The following IRAG2 variants were observed in gnomAD, a reference collection of about 807,000 sequenced individuals.
IRAG2 encodes inositol 1,4,5-triphosphate receptor associated 2, also known as lymphoid restricted membrane protein.
IRAG2 carries 45 observed loss-of-function variants against 69.9 expected under a neutral mutation model. The ratio of observed to expected loss-of-function variants is 0.64; its 90% CI spans 0.51 to 0.83. The LOEUF is 0.83. Among genes scored for constraint, IRAG2 ranks in the 40% least tolerant of loss-of-function variants. The pLI, the probability that IRAG2 is intolerant of heterozygous loss-of-function variation, is 0.00. For synonymous variants in IRAG2, 193 were observed against 202.4 expected, an observed-to-expected ratio of 0.95 and a Z score of 0.40; for missense variants, 520 against 587.0, an observed-to-expected ratio of 0.89 and a Z score of 1.18.
chr12:25,039,887 G>A (rs1944733892), intron 16 of IRAG2, among the ~76,000 whole-genome samples: 1 of 152,178 alleles, frequency 6.6e-6, no homozygotes, highest in Non-Finnish European at 1.5e-5. Context: ...TGTGTCAGAT[G>A]TAGTGCTAAG....
intron 6 of IRAG2, among the ~76,000 whole-genome samples, chr12:25,017,532 A>G (rs1178618420): frequency 3.9e-5 from 6 of 152,098 alleles, no homozygotes; most frequent in African/African-American, 1.2e-4. Flanking sequence ...AGCCTGGCCA[A>G]CATGGTGAAA....
chr12:25,082,318 G>T (rs1210136272), intron 9 of IRAG2, among the ~76,000 whole-genome samples: 1 of 151,962 alleles, frequency 6.6e-6, no homozygotes, highest in Non-Finnish European at 1.5e-5. Context: ...CTAAAGTAAG[G>T]GCTAGGCACG....
At chr12:25,002,720 C>T (rs904228615), upstream of IRAG2, among the ~76,000 whole-genome samples, 4 of 151,734 alleles carry the variant, frequency 2.6e-5, no homozygotes, top group Admixed American at 1.3e-4. Context: ...CAGCTCACTG[C>T]AACCTCTGCC....
intron 10 of IRAG2, among the ~76,000 whole-genome samples, chr12:25,085,492 T>C (rs1947522367): frequency 1.3e-5 from 2 of 152,216 alleles, no homozygotes; most frequent in Non-Finnish European, 2.9e-5. Flanking sequence ...ATTGTCAGTC[T>C]GCCAGTCTGC....
upstream of IRAG2, among the ~76,000 whole-genome samples, chr12:25,049,810 GTC>G (rs1314615565): frequency 2.0e-5 from 3 of 151,790 alleles, no homozygotes; most frequent in East Asian, 5.8e-4. Flanking sequence ...GTGAAACCCT[GTC>G]TCTACTAAAA....
intron 3 of IRAG2, chr12:25,015,034 A>T (rs967258598): frequency 2.7e-5 from 10 of 377,194 alleles, no homozygotes; most frequent in African/African-American, 2.1e-4. Flanking sequence ...ATGAATATAT[A>T]TTTTTTTAAC....
In IRAG2 at chr12:25,107,982, A is replaced by G. The variant is rs1949327511; in HGVS notation, c.1422A>G (p.Gln474=). The change falls in exon 22 of 22, where the codon CAA becomes CAG. Residue 474 remains glutamine (Q), a synonymous_variant. Transcript: ENST00000556887. ...CTGTGGATGCCGCTCCCACACAGCAAGAGGACTCATGGACGTCTCTAGAAC... is the reference window on the plus strand; with the variant it reads ...CTGTGGATGCCGCTCCCACACAGCAGGAGGACTCATGGACGTCTCTAGAAC... ...QKSVDAAPTQ[Q]EDSWTSLEHI... The G allele has an allele frequency of 6.2e-7, 1 of 1,614,042 alleles. No homozygotes were observed.
chr12:25,010,792 GAA>G (rs1022251770), intron 2 of IRAG2, among the ~76,000 whole-genome samples: 20 of 152,140 alleles, frequency 1.3e-4, no homozygotes, highest in African/African-American at 4.6e-4. Flanking sequence ...GGGAGTAAAA[GAA>G]AAGTCTTATG....
Position 25,090,145 on chromosome 12 carries a change from T to C in IRAG2, c.554T>C (p.Leu185Ser), listed in dbSNP as rs1063159. 1.2e-6 allele frequency: 2 copies of C among 1,613,862 alleles called. No homozygotes were observed. Among genetic ancestry groups the C allele is most frequent in the African/African-American group, 2.7e-5 (2 of 74,934 alleles). ...RVKLEERSRD[L>S]AEENLKKEIT... ...AAGCTTGAAGAGAGGTCCCGTGACT[T>C]GGCAGAAGAAAATTTGAAGAAAGAA... The change falls in exon 14 of 22, where the codon TTG becomes TCG. Residue 185 changes from leucine (L) to serine (S), a missense_variant. Physicochemically the swap from Leu to Ser is moderately radical, Grantham distance 145. Transcript: ENST00000556887.
At chr12:25,015,371 C>T (rs144079813) in exon 5 of IRAG2, 11 of 1,231,772 alleles carry the variant, frequency 8.9e-6, no homozygotes, top group Non-Finnish European at 1.1e-5. Context: ...ACAGATATAA[C>T]AGATTCTACA....
chr12:25,016,205 AAAG>A (rs1282350326), intron 5 of IRAG2, among the ~76,000 whole-genome samples: 1 of 151,720 alleles, frequency 6.6e-6, no homozygotes, highest in Non-Finnish European at 1.5e-5. Flanking sequence ...CAAAAAAAAA[AAAG>A]AAAAGTGGAG....
exon 1 of IRAG2, chr12:25,004,722 C>T: frequency 8.1e-7 from 1 of 1,232,096 alleles, no homozygotes; most frequent in Non-Finnish European, 1.0e-6. Context: ...AGTCACAGAG[C>T]AACAAGAATT....
In IRAG2 at chr12:25,042,412, G is replaced by A. The variant is rs1389869453; in HGVS notation, c.2144+4275G>A. Among the ~76,000 whole-genome samples the A allele has an allele frequency of 2.0e-5, 3 of 152,180 alleles. No homozygotes were observed. In the East Asian group the frequency reaches 5.8e-4, roughly 29 times the overall value. On this transcript the variant is annotated intron_variant, in intron 16 of 38. Coordinates refer to the IRAG2 transcript ENST00000636465. ...TTTACATGATGATAAAATTTCTGTG[G>A]GAGAAAAATCTTCAAAGGTTTATCA...
chr12:25,076,594 C>T, intron 6 of IRAG2: 1 of 981,786 alleles, frequency 1.0e-6, no homozygotes, highest in Non-Finnish European at 1.2e-6. Context: ...ATAAGAACTG[C>T]ATTCTCTTTC....
At chr12:24,999,107 T>C in the IRAG2 span, among the ~76,000 whole-genome samples, 1 of 152,202 alleles carries the variant, frequency 6.6e-6, no homozygotes, top group East Asian at 1.9e-4. Context: ...TGTCATGTTG[T>C]TTACATATAC....
upstream of IRAG2, among the ~76,000 whole-genome samples, chr12:25,003,628 C>T (rs1245980563): frequency 1.3e-5 from 2 of 152,070 alleles, no homozygotes; most frequent in African/African-American, 4.8e-5. Context: ...TCTTGCTACG[C>T]AATAAAACTA....
chr12:25,039,440 CT>C (rs558561991), intron 16 of IRAG2, among the ~76,000 whole-genome samples: 6 of 152,064 alleles, frequency 3.9e-5, no homozygotes, highest in South Asian at 4.1e-4. Context: ...CAACATTCTT[CT>C]TTTTTTTGAG....
chr12:25,061,147 T>C (rs755172036), intron 1 of IRAG2, among the ~76,000 whole-genome samples: 1 of 152,202 alleles, frequency 6.6e-6, no homozygotes, highest in African/African-American at 2.4e-5. Context: ...GAAATCATTA[T>C]TTTCCCTTTC....
intron 3 of IRAG2, among the ~76,000 whole-genome samples, chr12:25,012,043 GGAAAAA>G (rs1208872156): frequency 2.6e-5 from 4 of 150,962 alleles, no homozygotes; most frequent in Non-Finnish European, 5.9e-5. Flanking sequence ...TAGTAGAATA[GGAAAAA>G]GAAAAAGGTA....
Sources: allele counts gnomAD v4.1 joint callset (sites outside exome capture counted in the v4.1 genomes callset), GRCh38; gene constraint gnomAD v4.1.1; transcripts MANE v1.5; gene names NCBI Gene and HGNC (gene_info 2026-07-23, HGNC 2026-07-21).